The following IGSF5 variants were observed in gnomAD, a reference collection of about 807,000 sequenced individuals.
IGSF5 encodes immunoglobulin superfamily 5 like.
Under a neutral mutation model 39.4 loss-of-function variants are expected in IGSF5, and 41 were observed. The observed-to-expected ratio is 1.04, with a 90% confidence interval of 0.81 to 1.35. IGSF5 has a LOEUF of 1.35. Among genes scored for constraint, IGSF5 ranks in the 40% most tolerant of loss-of-function variants. The pLI, the probability that IGSF5 is intolerant of heterozygous loss-of-function variation, is 0.00. For synonymous variants in IGSF5, 183 were observed against 175.3 expected (o/e 1.04, Z -0.34); for missense variants, 487 against 494.6 (o/e 0.98, Z 0.15).
At chr21:39,737,629 C>G in the IGSF5 span, among the ~76,000 whole-genome samples, 1 of 152,216 alleles carries the variant, frequency 6.6e-6, no homozygotes, top group African/African-American at 2.4e-5. Flanking sequence ...TGAAGATGCG[C>G]AGGGCGAGGG....
chr21:39,765,269 G>A (rs901812314), intron 2 of IGSF5, among the ~76,000 whole-genome samples: 25 of 152,236 alleles, frequency 1.6e-4, no homozygotes, highest in African/African-American at 4.8e-4. Context: ...CTGAGGATCC[G>A]GTGGACATGT....
In IGSF5 at chr21:39,765,704, T is replaced by C. The variant is rs1271937423; in HGVS notation, c.270T>C (p.Asn90=). The change falls in exon 3 of 9, where the codon AAT becomes AAC. Residue 90 remains asparagine, a synonymous_variant. Coordinates refer to ENST00000380588, the MANE Select transcript of IGSF5 (RefSeq NM_001080444.2). Reference sequence around the variant, plus strand: ...GGCCCATGGAGCCCATCATCACCAATGACCGCTTCACCTCTCAGAGGTACG... The same window carrying C: ...GGCCCATGGAGCCCATCATCACCAACGACCGCTTCACCTCTCAGAGGTACG... The part of the protein sequence containing the change: ...SVRPMEPIIT[N]DRFTSQRYDQ... The C allele has an allele frequency of 1.9e-6, 3 of 1,614,092 alleles. No homozygotes were observed. The highest frequency in any genetic ancestry group is 1.1e-5 in the South Asian group (1 of 91,058).
At chr21:39,790,004 A>C (rs1241417977) in intron 6 of IGSF5, among the ~76,000 whole-genome samples, 2 of 152,232 alleles carry the variant, frequency 1.3e-5, no homozygotes, top group African/African-American at 4.8e-5. Flanking sequence ...CAGGTTTCAC[A>C]AAAAGCACAA....
chr21:39,740,937 T>C (rs148717595), upstream of IGSF5, among the ~76,000 whole-genome samples: 421 of 152,312 alleles, frequency 2.8e-3, 3 homozygotes, highest in Non-Finnish European at 4.5e-3. Flanking sequence ...TGTATTATTT[T>C]AACTGCTTCA....
rs762179531 is a variant in IGSF5, at chr21:39,779,239, T to TGCC, written c.873_875dup (p.Arg293dup). On this transcript the variant is annotated inframe_insertion, in exon 5 of 9. Coordinates refer to ENST00000380588, the MANE Select transcript of IGSF5 (RefSeq NM_001080444.2). ...TACTCTTACAATACGCTGCTGCTGCTGCCGCCGTCGTTGTTGTGGCTGCAA... is the reference window on the plus strand; with the variant it reads ...TACTCTTACAATACGCTGCTGCTGCTGCCGCCGCCGTCGTTGTTGTGGCTGCAA... The TGCC allele has an allele frequency of 1.2e-6, 2 of 1,613,820 alleles. No individual in the cohort carries two copies. Among genetic ancestry groups the TGCC allele is most frequent in the Non-Finnish European group, 1.7e-6 (2 of 1,179,810 alleles).
intron 5 of IGSF5, among the ~76,000 whole-genome samples, chr21:39,782,853 T>A (rs2080178393): frequency 6.6e-6 from 1 of 152,174 alleles, no homozygotes; most frequent in Non-Finnish European, 1.5e-5. Flanking sequence ...TTTGTGTTCA[T>A]TAACCAAGCT....
the IGSF5 span, among the ~76,000 whole-genome samples, chr21:39,715,814 C>T: frequency 1.3e-5 from 2 of 151,932 alleles, no homozygotes; most frequent in African/African-American, 4.8e-5. Context: ...TTACAGTCTT[C>T]TTCCAACTTT....
chr21:39,777,820 A>G (rs962569092), intron 4 of IGSF5, among the ~76,000 whole-genome samples: 4 of 152,270 alleles, frequency 2.6e-5, no homozygotes, highest in African/African-American at 7.2e-5. Flanking sequence ...CAGGAATAGC[A>G]AACTACTATT....
chr21:39,737,713 A>C, the IGSF5 span, among the ~76,000 whole-genome samples: 9 of 152,156 alleles, frequency 5.9e-5, no homozygotes, highest in African/African-American at 2.2e-4. Context: ...TGTGTTCCGG[A>C]GACGTCATTG....
the IGSF5 span, among the ~76,000 whole-genome samples, chr21:39,734,437 A>ATACACACACAC: frequency 1.7e-5 from 1 of 59,504 alleles, no homozygotes; most frequent in African/African-American, 7.8e-5. Context: ...AAAAAAAAAA[A>ATACACACACAC]ATACACACAC....
At chr21:39,788,006 G>C (rs2086934055) in intron 5 of IGSF5, among the ~76,000 whole-genome samples, 161 bp from the exon 6 acceptor site, 1 of 152,174 alleles carries the variant, frequency 6.6e-6, no homozygotes, top group Non-Finnish European at 1.5e-5. Flanking sequence ...ATGCTGGGAA[G>C]TCATTTGATA....
upstream of IGSF5, among the ~76,000 whole-genome samples, chr21:39,743,156 T>C (rs1008538947): frequency 2.0e-5 from 3 of 152,228 alleles, no homozygotes; most frequent in African/African-American, 7.2e-5. Context: ...AATCTCCATG[T>C]TCTGATTCTG....
intron 8 of IGSF5, among the ~76,000 whole-genome samples, 195 bp downstream of exon 8, chr21:39,793,808 G>A (rs1175580379): frequency 6.6e-6 from 1 of 152,196 alleles, no homozygotes; most frequent in Non-Finnish European, 1.5e-5. Flanking sequence ...CTCAGTAGCA[G>A]TTGCTCTAAG....
chr21:39,731,677 G>A, the IGSF5 span, among the ~76,000 whole-genome samples: 1 of 152,152 alleles, frequency 6.6e-6, no homozygotes, highest in East Asian at 1.9e-4. Flanking sequence ...GAGCCCCTAA[G>A]TGAATTCAGC....
At chr21:39,732,414 T>A in the IGSF5 span, among the ~76,000 whole-genome samples, 1 of 152,218 alleles carries the variant, frequency 6.6e-6, no homozygotes, top group Admixed American at 6.5e-5. Flanking sequence ...AAACAGCTCT[T>A]GCAACCGTAA....
At chr21:39,728,620 G>A in the IGSF5 span, among the ~76,000 whole-genome samples, 2 of 152,066 alleles carry the variant, frequency 1.3e-5, no homozygotes, top group Non-Finnish European at 2.9e-5. Context: ...TCGTGCTCCC[G>A]GGGTGACCTC....
At chr21:39,766,003 G>A (rs1455594634) in intron 3 of IGSF5, 151 bp downstream of exon 3, 17 of 728,890 alleles carry the variant, frequency 2.3e-5, no homozygotes, top group African/African-American at 5.3e-5. Context: ...AATGTTTTGC[G>A]ATTTATTTGT....
chr21:39,782,093 T>C (rs1343777679), intron 5 of IGSF5, among the ~76,000 whole-genome samples: 1 of 152,220 alleles, frequency 6.6e-6, no homozygotes, highest in Non-Finnish European at 1.5e-5. Flanking sequence ...AATCTCTGTC[T>C]TTGGCCTGGT....
At chr21:39,755,949 C>CAAAAA (rs10624442) in intron 2 of IGSF5, among the ~76,000 whole-genome samples, 5,724 of 149,940 alleles carry the variant, frequency 0.038, 377 homozygotes, top group African/African-American at 0.13. Flanking sequence ...ACTAAAAATA[C>CAAAAA]AAAAAAAATT....
Sources: allele counts gnomAD v4.1 joint callset (sites outside exome capture counted in the v4.1 genomes callset), GRCh38; gene constraint gnomAD v4.1.1; transcripts MANE v1.5; gene names NCBI Gene and HGNC (gene_info 2026-07-23, HGNC 2026-07-21).